Variants in ELMO1 observed in about 807,000 individuals in gnomAD.
ELMO1 encodes engulfment and cell motility 1.
Under a neutral mutation model 98.9 loss-of-function variants are expected in ELMO1, and 26 were observed. The observed-to-expected ratio is 0.26, with a 90% CI of 0.19 to 0.36. The LOEUF (loss-of-function observed/expected upper bound fraction) is 0.36. ELMO1 is among the 10% of genes least tolerant of loss of function. The pLI is 1.00. For missense variants in ELMO1, 627 were observed against 935.2 expected (o/e 0.67, Z 4.30); for synonymous variants, 346 against 346.0 (o/e 1.00, Z 0.00).
In ELMO1 at chr7:37,013,284, C is replaced by T. The variant is rs754767821; in HGVS notation, c.1437+15G>A. On this transcript the variant is annotated intron_variant, in intron 16 of 21. Coordinates refer to ENST00000310758, the MANE Select transcript of ELMO1 (RefSeq NM_014800.11). The stretch of plus-strand genomic sequence containing the variant: ...GCTGCGGGAATCCCCTGCCTCTATC[C>T]GAGATCCACATTACCTTGTTGAAGT... 7.4e-6 allele frequency: 12 copies of T among 1,613,574 alleles called. No homozygotes were observed. The highest frequency in any genetic ancestry group is 1.7e-5 in the Admixed American group (1 of 59,988).
chr7:37,249,140 A>G (rs1202187639), intron 6 of ELMO1, among the ~76,000 whole-genome samples: 1 of 152,206 alleles, frequency 6.6e-6, no homozygotes, highest in Non-Finnish European at 1.5e-5. Flanking sequence ...AATTCAAGCT[A>G]TACCTCAGTT....
chr7:37,039,342 G>C (rs1795369325), intron 15 of ELMO1, among the ~76,000 whole-genome samples: 1 of 152,116 alleles, frequency 6.6e-6, no homozygotes, highest in African/African-American at 2.4e-5. Flanking sequence ...AAGCCTCCTG[G>C]GCACTCTGAC....
chr7:37,229,155 C>T (rs1010774203), intron 8 of ELMO1, among the ~76,000 whole-genome samples: 1 of 152,142 alleles, frequency 6.6e-6, no homozygotes, highest in Non-Finnish European at 1.5e-5. Flanking sequence ...GCACTGAAAA[C>T]ATTTGCGGGG....
intron 13 of ELMO1, among the ~76,000 whole-genome samples, chr7:37,162,731 CAA>C (rs775044242): frequency 1.8e-4 from 28 of 152,194 alleles, no homozygotes; most frequent in Admixed American, 8.5e-4. Flanking sequence ...AAGGCTGATC[CAA>C]AGAGAGCTGA....
intron 4 of ELMO1, among the ~76,000 whole-genome samples, chr7:37,272,459 G>C (rs1049782767): frequency 6.6e-6 from 1 of 152,240 alleles, no homozygotes; most frequent in African/African-American, 2.4e-5. Context: ...CCTGAGGTCA[G>C]GAGTTTGAGA....
At chr7:37,296,439 G>T (rs1798029399) in intron 4 of ELMO1, among the ~76,000 whole-genome samples, 2 of 152,106 alleles carry the variant, frequency 1.3e-5, no homozygotes, top group Admixed American at 1.3e-4. Context: ...ATCTGATTAG[G>T]TCAGGCCTAC....
intron 15 of ELMO1, among the ~76,000 whole-genome samples, chr7:37,062,176 G>A (rs1470288135): frequency 6.6e-6 from 1 of 152,212 alleles, no homozygotes; most frequent in East Asian, 1.9e-4. Flanking sequence ...TAGAAATGCA[G>A]TGCAAGTATT....
chr7:37,195,260 G>A (rs1445749683), intron 13 of ELMO1, among the ~76,000 whole-genome samples: 5 of 152,176 alleles, frequency 3.3e-5, no homozygotes, highest in African/African-American at 1.2e-4. Context: ...TTCCATGAAG[G>A]CCTTGGCTTC....
intron 13 of ELMO1, among the ~76,000 whole-genome samples, chr7:37,166,315 C>G (rs183967346): frequency 1.5e-4 from 23 of 152,100 alleles, no homozygotes; most frequent in East Asian, 5.8e-4. Flanking sequence ...ATTTTTGAAG[C>G]GTTTTTTGTG....
chr7:37,098,968 G>A (rs1005892648), intron 14 of ELMO1, among the ~76,000 whole-genome samples: 2 of 152,172 alleles, frequency 1.3e-5, no homozygotes, highest in African/African-American at 4.8e-5. Flanking sequence ...AACATTTCAT[G>A]AGCACATTAA....
At chr7:37,153,203 A>G (rs1381419280) in intron 13 of ELMO1, among the ~76,000 whole-genome samples, 2 of 152,212 alleles carry the variant, frequency 1.3e-5, no homozygotes, top group Admixed American at 6.5e-5. Flanking sequence ...TCCGGTCTAC[A>G]GCTCCCAGTG....
chr7:36,864,275 A>G (rs1318903481), intron 20 of ELMO1, among the ~76,000 whole-genome samples: 2 of 152,190 alleles, frequency 1.3e-5, no homozygotes, highest in Admixed American at 1.3e-4. Context: ...GGGATGGAGA[A>G]GGAAGGAAAA....
chr7:37,430,257 G>GCA (rs1175299094), intron 1 of ELMO1, among the ~76,000 whole-genome samples: 1 of 152,118 alleles, frequency 6.6e-6, no homozygotes, highest in Non-Finnish European at 1.5e-5. Flanking sequence ...TCCCCACCTG[G>GCA]GTTTCTGCCT....
chr7:37,284,649 A>G (rs76308579), intron 4 of ELMO1, among the ~76,000 whole-genome samples: 2,977 of 152,314 alleles, frequency 0.02, 49 homozygotes, highest in Non-Finnish European at 0.031. Flanking sequence ...TAGGAGAGTC[A>G]ATAGGATGGT....
chr7:36,974,236 C>G (rs1267813132), intron 16 of ELMO1, among the ~76,000 whole-genome samples: 1 of 152,262 alleles, frequency 6.6e-6, no homozygotes, highest in African/African-American at 2.4e-5. Context: ...ACCTTTATGT[C>G]TAGCTCAGGG....
chr7:37,169,710 A>G (rs954345925), intron 13 of ELMO1, among the ~76,000 whole-genome samples: 2 of 152,164 alleles, frequency 1.3e-5, no homozygotes, highest in African/African-American at 4.8e-5. Flanking sequence ...CATCATCACA[A>G]GATTTGAGGG....
intron 15 of ELMO1, among the ~76,000 whole-genome samples, chr7:37,036,393 C>T (rs1795176427): frequency 6.6e-6 from 1 of 152,128 alleles, no homozygotes; most frequent in Non-Finnish European, 1.5e-5. Flanking sequence ...TGTTTTAAGA[C>T]AGGGTCTTAC....
chr7:37,429,779 C>A (rs950531081), intron 1 of ELMO1: 2 of 152,240 alleles, frequency 1.3e-5, no homozygotes, highest in African/African-American at 4.8e-5. Flanking sequence ...TTTAAGATGG[C>A]ATTAGGATGT....
At chr7:37,023,393 G>A (rs1180141977) in intron 15 of ELMO1, among the ~76,000 whole-genome samples, 1 of 152,134 alleles carries the variant, frequency 6.6e-6, no homozygotes, top group African/African-American at 2.4e-5. Context: ...TTCAGAATGA[G>A]TGTGTATATC....
Sources: allele counts gnomAD v4.1 joint callset (sites outside exome capture counted in the v4.1 genomes callset), GRCh38; gene constraint gnomAD v4.1.1; transcripts MANE v1.5; gene names NCBI Gene and HGNC (gene_info 2026-07-23, HGNC 2026-07-21).